CCDC85C: variants seen among roughly 807,000 people sequenced by gnomAD.
CCDC85C encodes coiled-coil domain-containing protein 85C.
A neutral mutation model predicts 38.3 loss-of-function variants in CCDC85C; 18 were observed. The ratio of observed to expected loss-of-function variants is 0.47; its 90% CI spans 0.33 to 0.70. The LOEUF is 0.70. Ranked by LOEUF, CCDC85C falls within the 30% of genes least tolerant of loss-of-function variation. CCDC85C has a pLI of 0.03. For synonymous variants in CCDC85C, 264 were observed against 293.8 expected (o/e 0.90, Z 1.04); for missense variants, 566 against 621.2 (o/e 0.91, Z 0.94).
Position 99,504,451 on chromosome 14 carries a change from ATT to A in CCDC85C, c.*10793_*10794del, listed in dbSNP as rs376815169. 3.7e-5 allele frequency: 5 copies of A among 136,932 alleles called. No homozygotes were observed. The highest frequency in any genetic ancestry group is 4.7e-5 in the Non-Finnish European group (3 of 64,426). The allele number at this position is 136,932 out of a possible 1,614,324, so 8.5% of individuals were successfully genotyped here. On this transcript the variant is annotated 3_prime_UTR_variant, in exon 6 of 6. Coordinates refer to ENST00000380243, the MANE Select transcript of CCDC85C (RefSeq NM_001144995.2). ...GGAATGATGAGTTCAGTACAGGTGAATTTTTTTTTTTTTTTTGAGACAGAGTT... is the reference window on the plus strand; with the variant it reads ...GGAATGATGAGTTCAGTACAGGTGAATTTTTTTTTTTTTTGAGACAGAGTT...
chr14:99,603,603 C>T lies in CCDC85C; in HGVS notation c.357G>A (p.Glu119=), dbSNP rs189673537. The T allele has an allele frequency of 1.9e-3, 2,778 of 1,453,824 alleles. 43 individuals are homozygous for T. The East Asian group carries it at 0.049, about 26-fold the overall frequency. 90.1% of individuals were successfully genotyped at this position (1,453,824 alleles called of 1,614,324 possible). Residue 119 remains glutamate (E), a synonymous_variant, in exon 1 of 6, where the codon GAG becomes GAA. Transcript: ENST00000380243. This position sits in a 1 kb window ranked among gnomAD's most constrained non-coding sequence, Gnocchi z 7.5. ...GCAGCTTCTGCTGCGAGCGGGCCAC[C>T]TCGTGCCACACGGCGCCGGCCGCGT... ...GRHAAGAVWH[E]VARSQQKLRE... is the part of the protein sequence containing the mutation.
Position 99,510,256 on chromosome 14 carries a change from A to AC in CCDC85C, c.*4989dup. The AC allele has an allele frequency of 5.5e-5, 28 of 505,594 alleles. No individual in the cohort carries two copies. Among genetic ancestry groups the AC allele is most frequent in the South Asian group, 2.4e-4 (8 of 33,862 alleles). 31.3% of individuals were successfully genotyped at this position (505,594 alleles called of 1,614,324 possible). On this transcript the variant is annotated 3_prime_UTR_variant, in exon 6 of 6. Transcript: ENST00000380243. ...AAAGTCCAGATTCCCCCTCCGGCCC[A>AC]CCCGGCCCCTGTGCACCAGCCACCG...
intron 1 of CCDC85C, among the ~76,000 whole-genome samples, chr14:99,597,518 CT>C (rs1221218167): frequency 6.6e-6 from 1 of 152,196 alleles, no homozygotes; most frequent in Non-Finnish European, 1.5e-5. Context: ...GCAACCTCCC[CT>C]GACACAGCGC....
intron 1 of CCDC85C, among the ~76,000 whole-genome samples, chr14:99,546,575 A>G (rs992913733): frequency 6.6e-6 from 1 of 152,158 alleles, no homozygotes; most frequent in African/African-American, 2.4e-5. Flanking sequence ...GAAAACAAGA[A>G]TAAATCCTCA....
At chr14:99,560,929 C>T (rs955054846) in intron 1 of CCDC85C, among the ~76,000 whole-genome samples, 1 of 152,190 alleles carries the variant, frequency 6.6e-6, no homozygotes, top group Non-Finnish European at 1.5e-5. Flanking sequence ...AGGCCTCCAC[C>T]CCCAGGCCCA....
intron 1 of CCDC85C, among the ~76,000 whole-genome samples, chr14:99,565,543 A>G (rs1303262406): frequency 6.6e-6 from 1 of 152,234 alleles, no homozygotes; most frequent in African/African-American, 2.4e-5. Context: ...TAGGTTGGTC[A>G]CATGCTCCAG....
intron 1 of CCDC85C, among the ~76,000 whole-genome samples, chr14:99,593,184 G>A (rs1048832903): frequency 6.6e-6 from 1 of 152,224 alleles, no homozygotes; most frequent in Admixed American, 6.5e-5. Flanking sequence ...CTTGTGGCGG[G>A]CGGGGGAGCA....
Position 99,513,365 on chromosome 14 carries a change from C to A in CCDC85C, c.*1881G>T, listed in dbSNP as rs1897169146. 6.6e-6 allele frequency: 1 copy of A among 152,226 alleles called. No individual in the cohort carries two copies. Among genetic ancestry groups the A allele is most frequent in the African/African-American group, 2.4e-5 (1 of 41,448 alleles). The allele number at this position is 152,226 out of a possible 1,614,324, so 9.4% of individuals were successfully genotyped here. ...CACTCGGGCAAGAATCACTGGGTAC[C>A]ATGAGCAGCAGGTGTTCACCCAACT... is the stretch of plus-strand genomic sequence containing the variant. On this transcript the variant is annotated 3_prime_UTR_variant, in exon 6 of 6. Transcript: ENST00000380243.
chr14:99,601,786 T>A (rs1595113003), intron 1 of CCDC85C, among the ~76,000 whole-genome samples: 1 of 152,124 alleles, frequency 6.6e-6, no homozygotes, highest in South Asian at 2.1e-4. Flanking sequence ...GTTGTAGCCA[T>A]AGATTGCTAA....
At chr14:99,582,313 T>C (rs2054980751) in intron 1 of CCDC85C, among the ~76,000 whole-genome samples, 3 of 152,170 alleles carry the variant, frequency 2.0e-5, no homozygotes. Context: ...AACAGCCACT[T>C]CGCATGAGGT....
At position 99,518,844 on chromosome 14, in the gene CCDC85C, G is replaced by A. The variant is rs532752844; in HGVS notation, c.976-1661C>T. Among the ~76,000 whole-genome samples, 566 of 152,268 alleles carry A rather than the reference G, an allele frequency of 3.7e-3. 11 individuals are homozygous for A. In the South Asian group the frequency reaches 0.05, roughly 14 times the overall value. ...TGTGCAAGCCGCCCCTCTCCTGCCC[G>A]CCTCACTGGGCAGTGGTGGGTGCCA... is the stretch of plus-strand genomic sequence containing the variant. On this transcript the variant is annotated intron_variant, in intron 3 of 5. Transcript: ENST00000380243.
intron 1 of CCDC85C, among the ~76,000 whole-genome samples, chr14:99,579,359 G>C (rs868137393): frequency 2.0e-5 from 3 of 152,210 alleles, no homozygotes; most frequent in Non-Finnish European, 2.9e-5. Flanking sequence ...GAAGAGAAGT[G>C]GGGGAGGGGG....
chr14:99,535,574 T>C lies in CCDC85C; in HGVS notation c.867+441A>G, dbSNP rs1897579914. 1.3e-5 allele frequency among the ~76,000 whole-genome samples: 2 copies of C among 151,972 alleles called. No homozygotes were observed. The highest frequency in any genetic ancestry group is 2.9e-5 in the Non-Finnish European group (2 of 67,970). ...GCTCTGCACAGGGGTAGCAGCCTCA[T>C]CTGTCTGTGGGTGAGGTCGGGCCCA... On this transcript the variant is annotated intron_variant, in intron 2 of 5. Transcript: ENST00000380243. The surrounding 1 kb of genome is among the most constrained non-coding windows in gnomAD (Gnocchi z 5.5).
At chr14:99,573,296 C>T (rs755807118) in intron 1 of CCDC85C, among the ~76,000 whole-genome samples, 7 of 152,164 alleles carry the variant, frequency 4.6e-5, no homozygotes, top group Non-Finnish European at 7.4e-5. Flanking sequence ...CTCAGGGAGC[C>T]GGCTCTGCCT....
chr14:99,517,296 G>A, intron 3 of CCDC85C, 113 bp from the exon 4 acceptor site: 1 of 811,426 alleles, frequency 1.2e-6, no homozygotes, highest in Non-Finnish European at 1.9e-6. Flanking sequence ...AGGAGGAAAA[G>A]GGGACCGGGG....
intron 5 of CCDC85C, 133 bp from the exon 6 acceptor site, chr14:99,515,468 A>G (rs550112301): frequency 3.1e-6 from 2 of 643,162 alleles, no homozygotes; most frequent in Admixed American, 2.5e-5. Context: ...CACGGAGGCC[A>G]CTGCAGGCCC....
At chr14:99,570,196 T>C (rs1362929288) in intron 1 of CCDC85C, among the ~76,000 whole-genome samples, 1 of 152,016 alleles carries the variant, frequency 6.6e-6, no homozygotes, top group African/African-American at 2.4e-5. Flanking sequence ...AGCCCTGCAA[T>C]ATGGAAAGTT....
chr14:99,515,520 C>T (rs1013125068), intron 5 of CCDC85C, among the ~76,000 whole-genome samples, 185 bp from the exon 6 acceptor site: 1 of 152,198 alleles, frequency 6.6e-6, no homozygotes, highest in African/African-American at 2.4e-5. Context: ...CGCTAACTAT[C>T]GGGCCTGAGC....
intron 1 of CCDC85C, among the ~76,000 whole-genome samples, chr14:99,556,154 C>T (rs1404588619): frequency 6.6e-6 from 1 of 152,264 alleles, no homozygotes; most frequent in African/African-American, 2.4e-5. Context: ...TGCAGTGGCT[C>T]ACGCCTGTAA....
Sources: allele counts gnomAD v4.1 joint callset (sites outside exome capture counted in the v4.1 genomes callset), GRCh38; gene constraint gnomAD v4.1.1; non-coding constraint Gnocchi (gnomAD v3.1); transcripts MANE v1.5; gene names NCBI Gene and HGNC (gene_info 2026-07-23, HGNC 2026-07-21).